The following RGL1 variants were observed in gnomAD, a reference collection of about 807,000 sequenced individuals.
RGL1 encodes ral guanine nucleotide dissociation stimulator like 1, also known as ral guanine nucleotide dissociation stimulator-like 1.
In RGL1, 24 loss-of-function variants were observed where a neutral mutation model predicts 95.2. The observed-to-expected ratio is 0.25, with a 90% CI of 0.18 to 0.35. The LOEUF is 0.35. Among genes scored for constraint, RGL1 ranks in the 10% least tolerant of loss-of-function variants. RGL1 has a pLI of 1.00. For missense variants in RGL1, 715 were observed against 936.3 expected, an observed-to-expected ratio of 0.76 and a Z score of 3.08; for synonymous variants, 329 against 344.9, an observed-to-expected ratio of 0.95 and a Z score of 0.51.
chr1:183,838,265 G>A (rs1663801881), intron 2 of RGL1, among the ~76,000 whole-genome samples: 1 of 152,200 alleles, frequency 6.6e-6, no homozygotes, highest in East Asian at 1.9e-4. Flanking sequence ...ATGGATTAAT[G>A]TTGGACCAAG....
At chr1:183,875,974 A>G (rs974775249) in intron 4 of RGL1, among the ~76,000 whole-genome samples, 1 of 151,636 alleles carries the variant, frequency 6.6e-6, no homozygotes, top group African/African-American at 2.4e-5. Context: ...TAAGTCCTCT[A>G]CAAGTGTTTA....
intron 2 of RGL1, among the ~76,000 whole-genome samples, chr1:183,842,488 G>A (rs556545428): frequency 7.2e-5 from 11 of 152,056 alleles, no homozygotes; most frequent in African/African-American, 2.7e-4. Context: ...TGCCAAAATC[G>A]ATAATTATGG....
exon 1 of RGL1, chr1:183,636,319 G>A: frequency 2.5e-6 from 1 of 396,844 alleles, no homozygotes; most frequent in Non-Finnish European, 4.4e-6. Flanking sequence ...CTAATTGCCG[G>A]AGACATTGCC....
At chr1:183,752,578 G>A (rs1658072602) in intron 2 of RGL1, among the ~76,000 whole-genome samples, 1 of 151,144 alleles carries the variant, frequency 6.6e-6, no homozygotes, top group Non-Finnish European at 1.5e-5. Flanking sequence ...CTCATTCTTT[G>A]CTCATCAATT....
At chr1:183,660,854 T>C (rs1651566098) in intron 1 of RGL1, among the ~76,000 whole-genome samples, 1 of 152,254 alleles carries the variant, frequency 6.6e-6, no homozygotes, top group Non-Finnish European at 1.5e-5. Flanking sequence ...TATAACAAAC[T>C]GTCTCTCAGA....
At chr1:183,684,588 G>T (rs1287344778) in intron 1 of RGL1, among the ~76,000 whole-genome samples, 1 of 152,134 alleles carries the variant, frequency 6.6e-6, no homozygotes, top group Non-Finnish European at 1.5e-5. Context: ...CCCTTTCCAG[G>T]GGAGTGAACC....
At chr1:183,810,944 C>T (rs926836939) in intron 2 of RGL1, among the ~76,000 whole-genome samples, 1 of 152,198 alleles carries the variant, frequency 6.6e-6, no homozygotes, top group Admixed American at 6.5e-5. Flanking sequence ...TTCCATTAGA[C>T]TGTAAGCTTG....
rs1052942386 is a variant in RGL1, at chr1:183,927,549, C to CT, written c.*1267dup. The stretch of plus-strand genomic sequence containing the variant: ...ACATTCTTCCAGATGGAATCAATAA[C>CT]TTTTTTTTTTCCAGGTTCCCGTGCT... On this transcript the variant is annotated 3_prime_UTR_variant, in exon 18 of 18. Coordinates refer to ENST00000360851, the MANE Select transcript of RGL1 (RefSeq NM_001297671.3). The CT allele has an allele frequency of 4.0e-5, 6 of 150,844 alleles. No homozygotes were observed. The highest frequency in any genetic ancestry group is 9.8e-5 in the African/African-American group (4 of 40,944). The allele number at this position is 150,844 out of a possible 1,614,324, so 9.3% of individuals were successfully genotyped here.
intron 8 of RGL1, 42 bp from the exon 9 acceptor site, chr1:183,892,035 C>T: frequency 1.3e-6 from 2 of 1,511,104 alleles, no homozygotes; most frequent in Non-Finnish European, 1.8e-6. Context: ...CGGGTTATTC[C>T]TAACTCTTCA....
chr1:183,661,612 C>T (rs1416481347), intron 1 of RGL1, among the ~76,000 whole-genome samples: 2 of 151,130 alleles, frequency 1.3e-5, no homozygotes, highest in East Asian at 1.9e-4. Flanking sequence ...GATTCACAGC[C>T]GAATTCTACC....
rs1436700080 is a variant in RGL1 at position 183,647,728 on chromosome 1, C to A, written c.-33+11227C>A. On this transcript the variant is annotated intron_variant, in intron 1 of 18. Transcript: ENST00000304685. ...TTTTCATCTGCCTCCTTGCTACTTG[C>A]AAACTGTTCTGTGATTTCCACTATC... 2.5e-6 allele frequency: 4 copies of A among 1,610,408 alleles called. No homozygotes were observed. In the African/African-American group the frequency reaches 5.3e-5, roughly 22 times the overall value.
At chr1:183,832,577 G>A (rs772124293) in intron 2 of RGL1, among the ~76,000 whole-genome samples, 1 of 152,166 alleles carries the variant, frequency 6.6e-6, no homozygotes. Flanking sequence ...AGTGAAGGAT[G>A]AGGAACTGTT....
At chr1:183,784,795 A>T (rs7519596) in intron 2 of RGL1, among the ~76,000 whole-genome samples, 66,368 of 151,988 alleles carry the variant, frequency 0.44, 15,617 homozygotes, top group East Asian at 0.76. Context: ...CAGGAAGATC[A>T]ATTTGATCCT....
intron 2 of RGL1, among the ~76,000 whole-genome samples, chr1:183,799,741 A>G (rs1023591765): frequency 6.6e-6 from 1 of 152,188 alleles, no homozygotes; most frequent in Non-Finnish European, 1.5e-5. Context: ...ACAAGTTTTT[A>G]TTACATACTT....
chr1:183,758,493 A>G (rs1658484237), intron 2 of RGL1, among the ~76,000 whole-genome samples: 1 of 152,172 alleles, frequency 6.6e-6, no homozygotes, highest in South Asian at 2.1e-4. Context: ...CACCGTGCCC[A>G]GCCAACAATA....
chr1:183,805,022 A>G, upstream of RGL1: 1 of 338,844 alleles, frequency 3.0e-6, no homozygotes, highest in Non-Finnish European at 5.3e-6. Context: ...AGAAAGGGAG[A>G]GTGTGCTCAC....
chr1:183,818,619 G>A (rs535328042), intron 2 of RGL1, among the ~76,000 whole-genome samples: 2 of 152,082 alleles, frequency 1.3e-5, no homozygotes, highest in East Asian at 1.9e-4. Flanking sequence ...TGCCCTATTC[G>A]TTTCAGTGTT....
intron 3 of RGL1, among the ~76,000 whole-genome samples, chr1:183,864,821 G>A (rs1437953572): frequency 2.0e-5 from 3 of 152,168 alleles, no homozygotes; most frequent in Admixed American, 1.3e-4. Context: ...GGAACCTACC[G>A]GGATGGGATG....
At chr1:183,853,797 T>C (rs1664974334) in intron 3 of RGL1, among the ~76,000 whole-genome samples, 1 of 152,176 alleles carries the variant, frequency 6.6e-6, no homozygotes. Flanking sequence ...GTGTACAATA[T>C]CACCTTCCTT....
Sources: gnomAD v4.1 joint callset for allele counts (sites outside exome capture counted in the v4.1 genomes callset) on GRCh38, gnomAD v4.1.1 for gene constraint, MANE v1.5 for transcripts, NCBI Gene and HGNC (gene_info 2026-07-23, HGNC 2026-07-21) for gene names.